Variants in FHIP1A observed in about 807,000 individuals in gnomAD.
The protein encoded by FHIP1A is FHF complex subunit HOOK-interacting protein 1A.
Under a neutral mutation model 88.6 loss-of-function variants are expected in FHIP1A, and 61 were observed. That is an observed-to-expected ratio of 0.69 (90% confidence interval 0.56 to 0.85). FHIP1A has a LOEUF of 0.85. Ranked by LOEUF, FHIP1A falls within the 40% of genes least tolerant of loss-of-function variation. The probability of loss-of-function intolerance (pLI) is 0.00; values close to 1 mark genes in which losing one functional copy is unlikely to be tolerated. For missense variants in FHIP1A, 1,154 were observed against 1,273.5 expected, an observed-to-expected ratio of 0.91 and a Z score of 1.43; for synonymous variants, 478 against 496.0, an observed-to-expected ratio of 0.96 and a Z score of 0.48.
At chr4:151,641,079 C>T (rs189026312) in intron 9 of FHIP1A, among the ~76,000 whole-genome samples, 9 of 151,988 alleles carry the variant, frequency 5.9e-5, no homozygotes, top group East Asian at 1.9e-4. Flanking sequence ...CCAGACCTGA[C>T]GTTAGGAGAT....
chr4:151,510,128 T>C (rs1308583761), intron 3 of FHIP1A, among the ~76,000 whole-genome samples: 1 of 151,048 alleles, frequency 6.6e-6, no homozygotes, highest in Non-Finnish European at 1.5e-5. Context: ...TTTTTTGGAG[T>C]CATGGTCTCA....
intron 3 of FHIP1A, among the ~76,000 whole-genome samples, chr4:151,526,773 G>A (rs1311960114): frequency 1.3e-5 from 2 of 151,466 alleles, no homozygotes; most frequent in East Asian, 2.0e-4. Flanking sequence ...CAGATGGGGC[G>A]GCTGCCGGGC....
chr4:151,597,620 T>A (rs1734700241), intron 7 of FHIP1A, among the ~76,000 whole-genome samples: 1 of 152,200 alleles, frequency 6.6e-6, no homozygotes, highest in Non-Finnish European at 1.5e-5. Flanking sequence ...CTGCTGAGGC[T>A]GTGCCCATAG....
At chr4:151,543,478 T>A (rs1732373764) in intron 3 of FHIP1A, among the ~76,000 whole-genome samples, 1 of 152,178 alleles carries the variant, frequency 6.6e-6, no homozygotes, top group African/African-American at 2.4e-5. Context: ...AATTATTGAA[T>A]GCTATAATAG....
intron 1 of FHIP1A, among the ~76,000 whole-genome samples, chr4:151,415,788 T>C (rs1347121083): frequency 6.6e-6 from 1 of 152,194 alleles, no homozygotes; most frequent in Non-Finnish European, 1.5e-5. Context: ...CAGCAAAAGG[T>C]GCTGAGCTTT....
intron 7 of FHIP1A, among the ~76,000 whole-genome samples, chr4:151,605,282 T>G (rs1317213033): frequency 6.6e-6 from 1 of 152,196 alleles, no homozygotes; most frequent in East Asian, 1.9e-4. Context: ...AAAAAGAGAT[T>G]GTTACCAAAT....
intron 3 of FHIP1A, among the ~76,000 whole-genome samples, chr4:151,531,646 GAGA>G (rs1391123237): frequency 2.0e-5 from 3 of 152,090 alleles, no homozygotes; most frequent in South Asian, 2.1e-4. Context: ...ATGAGGGAGG[GAGA>G]AGAAGAGTTC....
At position 151,411,350 on chromosome 4, in the gene FHIP1A, T is replaced by TA. The variant is rs376933162; in HGVS notation, c.-356+1885_-356+1886insA. Among the ~76,000 whole-genome samples the TA allele has an allele frequency of 2.0e-3, 242 of 121,262 alleles. 5 individuals are homozygous for TA. The highest frequency in any genetic ancestry group is 0.014 in the East Asian group (46 of 3,248). 79.6% of individuals were successfully genotyped at this position (121,262 alleles called of 152,430 possible). ...TCTGAGGAGTGAAATTATATATATA[T>TA]TTTTTTTTTTTTAAAGTTAGGGTCT... On this transcript the variant is annotated intron_variant, in intron 1 of 13. Transcript: ENST00000435205.
chr4:151,582,812 G>A (rs1226186282), intron 5 of FHIP1A, among the ~76,000 whole-genome samples: 1 of 151,954 alleles, frequency 6.6e-6, no homozygotes, highest in Non-Finnish European at 1.5e-5. Flanking sequence ...ATAGTGGATG[G>A]GAATTTTATT....
intron 3 of FHIP1A, among the ~76,000 whole-genome samples, chr4:151,543,935 T>C (rs556644329): frequency 6.6e-6 from 1 of 152,204 alleles, no homozygotes; most frequent in Non-Finnish European, 1.5e-5. Context: ...TGGAAAACTC[T>C]AGGGTGTTTC....
intron 1 of FHIP1A, among the ~76,000 whole-genome samples, chr4:151,430,513 T>C (rs1053338048): frequency 1.3e-5 from 2 of 152,264 alleles, no homozygotes; most frequent in Non-Finnish European, 2.9e-5. Flanking sequence ...TACTAGGTAC[T>C]GCCCTTTTAC....
chr4:151,552,388 G>A (rs545963680), intron 3 of FHIP1A, among the ~76,000 whole-genome samples: 21 of 152,218 alleles, frequency 1.4e-4, no homozygotes, highest in African/African-American at 3.9e-4. Flanking sequence ...TATGTTTATT[G>A]TGGCACTATT....
chr4:151,586,063 C>T (rs561751041), intron 5 of FHIP1A, among the ~76,000 whole-genome samples: 2 of 152,166 alleles, frequency 1.3e-5, no homozygotes, highest in Admixed American at 6.6e-5. Context: ...AGAAAATATA[C>T]GTGGAAGTGC....
In FHIP1A at chr4:151,563,300, A is replaced by G. The variant is rs117875321; in HGVS notation, c.-122-2838A>G. 6.4e-4 allele frequency among the ~76,000 whole-genome samples: 98 copies of G among 152,264 alleles called. 1 individual carries two copies. The East Asian group carries it at 0.019, about 29-fold the overall frequency. On this transcript the variant is annotated intron_variant, in intron 3 of 13. Coordinates refer to ENST00000435205, the MANE Select transcript of FHIP1A (RefSeq NM_001109977.3). Reference sequence around the variant, plus strand: ...CACCTACATGCACCCACTGTTGCAGAGTTCTTTGAGTGTTTTTTTTGTGTT... The same window carrying G: ...CACCTACATGCACCCACTGTTGCAGGGTTCTTTGAGTGTTTTTTTTGTGTT...
chr4:151,492,823 A>G (rs752910564), intron 3 of FHIP1A, among the ~76,000 whole-genome samples: 4 of 152,166 alleles, frequency 2.6e-5, no homozygotes, highest in Non-Finnish European at 4.4e-5. Context: ...CCTTTGGGAT[A>G]CAGCAAAAGC....
intron 1 of FHIP1A, among the ~76,000 whole-genome samples, chr4:151,453,043 G>A (rs895732777): frequency 1.3e-5 from 2 of 150,856 alleles, no homozygotes; most frequent in African/African-American, 4.9e-5. Context: ...TTGAGATGGA[G>A]TCTTGCTCTG....
chr4:151,643,280 A>T (rs939951048), intron 9 of FHIP1A, among the ~76,000 whole-genome samples: 7 of 151,774 alleles, frequency 4.6e-5, no homozygotes, highest in African/African-American at 1.7e-4. Flanking sequence ...ATGATCCTTC[A>T]TTTTAAAGAT....
At chr4:151,557,720 A>G (rs1173558381) in intron 3 of FHIP1A, among the ~76,000 whole-genome samples, 2 of 152,222 alleles carry the variant, frequency 1.3e-5, no homozygotes, top group African/African-American at 2.4e-5. Flanking sequence ...GTTGCTCAGT[A>G]TAAGTTGTTT....
intron 3 of FHIP1A, among the ~76,000 whole-genome samples, chr4:151,546,950 C>G (rs1043335594): frequency 6.6e-6 from 1 of 152,060 alleles, no homozygotes; most frequent in Non-Finnish European, 1.5e-5. Flanking sequence ...CTCCTTGGTC[C>G]CCACTTCATC....
Sources: allele counts gnomAD v4.1 joint callset (sites outside exome capture counted in the v4.1 genomes callset), GRCh38; gene constraint gnomAD v4.1.1; transcripts MANE v1.5; gene names NCBI Gene and HGNC (gene_info 2026-07-23, HGNC 2026-07-21).